PLCL1: variants seen among roughly 807,000 people sequenced by gnomAD.
The protein encoded by PLCL1 is inactive phospholipase C-like protein 1.
Under a neutral mutation model 84.4 loss-of-function variants are expected in PLCL1, and 41 were observed. The ratio of observed to expected loss-of-function variants is 0.49; its 90% CI spans 0.38 to 0.63. The LOEUF is 0.63. PLCL1 is among the 30% of genes least tolerant of loss of function. The pLI is 0.00. For synonymous variants in PLCL1, 490 were observed against 488.3 expected, an observed-to-expected ratio of 1.00 and a Z score of -0.05; for missense variants, 1,206 against 1,367.8, an observed-to-expected ratio of 0.88 and a Z score of 1.87.
chr2:198,055,289 C>G (rs1692035385), intron 1 of PLCL1, among the ~76,000 whole-genome samples: 1 of 144,304 alleles, frequency 6.9e-6, no homozygotes, highest in Admixed American at 6.9e-5. Flanking sequence ...GACTGCTGGT[C>G]AAAGCCTCTC....
chr2:197,912,003 G>A (rs950090247), intron 1 of PLCL1, among the ~76,000 whole-genome samples: 5 of 152,148 alleles, frequency 3.3e-5, no homozygotes, highest in Non-Finnish European at 7.3e-5. Flanking sequence ...TCTAATGCCA[G>A]TCCCTTTAGA....
chr2:197,885,391 C>T (rs763691229), intron 1 of PLCL1, among the ~76,000 whole-genome samples: 34 of 152,126 alleles, frequency 2.2e-4, no homozygotes, highest in Non-Finnish European at 4.0e-4. Flanking sequence ...AATGAGATTT[C>T]CCAGCTCAAG....
chr2:198,076,790 C>T (rs936570210), intron 1 of PLCL1, among the ~76,000 whole-genome samples: 3 of 152,184 alleles, frequency 2.0e-5, no homozygotes, highest in African/African-American at 7.2e-5. Flanking sequence ...TGGTATAATT[C>T]TATAGTTGCA....
At chr2:198,086,590 C>T (rs1692887264) in intron 2 of PLCL1, among the ~76,000 whole-genome samples, 1 of 152,102 alleles carries the variant, frequency 6.6e-6, no homozygotes, top group Non-Finnish European at 1.5e-5. Flanking sequence ...CAGTGCACTC[C>T]AGTCTGGGCA....
intron 1 of PLCL1, among the ~76,000 whole-genome samples, chr2:197,828,034 T>C (rs1690970233): frequency 6.6e-6 from 1 of 152,170 alleles, no homozygotes; most frequent in Non-Finnish European, 1.5e-5. Flanking sequence ...ATACTGTTGA[T>C]AACTTGAGAT....
chr2:197,965,693 C>T (rs1689715483), intron 1 of PLCL1, among the ~76,000 whole-genome samples: 1 of 152,024 alleles, frequency 6.6e-6, no homozygotes, highest in South Asian at 2.1e-4. Context: ...CTATACATTT[C>T]CCTTTTAGCA....
intron 5 of PLCL1, among the ~76,000 whole-genome samples, chr2:198,131,414 A>C (rs1694115618): frequency 6.6e-6 from 1 of 152,192 alleles, no homozygotes; most frequent in Non-Finnish European, 1.5e-5. Context: ...TTCACGAGAC[A>C]GTCTCTATTA....
intron 1 of PLCL1, among the ~76,000 whole-genome samples, chr2:197,904,871 A>C (rs923687010): frequency 1.3e-5 from 2 of 152,222 alleles, no homozygotes; most frequent in Admixed American, 6.5e-5. Context: ...GTCAATTATC[A>C]AAAGTATTAT....
chr2:198,028,897 G>T (rs1223971746), intron 1 of PLCL1, among the ~76,000 whole-genome samples: 1 of 152,022 alleles, frequency 6.6e-6, no homozygotes, highest in Non-Finnish European at 1.5e-5. Context: ...AGATACATAT[G>T]AAGTCTATTT....
chr2:197,865,139 G>A (rs1340864696), intron 1 of PLCL1, among the ~76,000 whole-genome samples: 1 of 152,162 alleles, frequency 6.6e-6, no homozygotes, highest in Non-Finnish European at 1.5e-5. Flanking sequence ...GTGACCTACT[G>A]AGGGACAGAG....
intron 1 of PLCL1, among the ~76,000 whole-genome samples, chr2:198,082,656 C>A (rs989307411): frequency 6.6e-6 from 1 of 151,992 alleles, no homozygotes; most frequent in African/African-American, 2.4e-5. Flanking sequence ...TAAAGAAATA[C>A]CCAGTGTAAG....
rs1216703587 is a variant in PLCL1 at position 198,069,059 on chromosome 2, TA to T, written c.241-14692del. Among the ~76,000 whole-genome samples the T allele has an allele frequency of 2.7e-5, 4 of 149,724 alleles. No homozygotes were observed. In the East Asian group the frequency reaches 7.8e-4, roughly 29 times the overall value. On this transcript the variant is annotated intron_variant, in intron 1 of 5. Coordinates refer to ENST00000428675, the MANE Select transcript of PLCL1 (RefSeq NM_006226.4). ...CAAATAAAATAAAATAAAATAAAAATAAAAAAATAAAAAAAATTGCCTAGAT... is the reference window on the plus strand; with the variant it reads ...CAAATAAAATAAAATAAAATAAAAATAAAAAATAAAAAAAATTGCCTAGAT...
chr2:197,912,799 TGG>T (rs1559043138), intron 1 of PLCL1, among the ~76,000 whole-genome samples: 1 of 5,118 alleles, frequency 2.0e-4, no homozygotes, highest in Non-Finnish European at 2.8e-4. Flanking sequence ...CGTGGTGGGG[TGG>T]GGGGTGGGGG....
At chr2:197,870,608 C>A (rs536754143) in intron 1 of PLCL1, among the ~76,000 whole-genome samples, 1 of 152,004 alleles carries the variant, frequency 6.6e-6, no homozygotes, top group Admixed American at 6.6e-5. Flanking sequence ...TATTTGTTAG[C>A]GGGAAGGGAA....
At chr2:197,884,906 T>G (rs1687890632) in intron 1 of PLCL1, among the ~76,000 whole-genome samples, 1 of 152,154 alleles carries the variant, frequency 6.6e-6, no homozygotes, top group African/African-American at 2.4e-5. Context: ...TGAGACTGTA[T>G]TGTTCCCTTG....
In PLCL1 at chr2:198,086,236, G is replaced by A; in HGVS notation, c.2715+4G>A. Reference sequence around the variant, plus strand: ...AGATATGAGAGAAAATATGCAGGTAGGAGAAACACTCACACTCTCCTTCCC... The same window carrying A: ...AGATATGAGAGAAAATATGCAGGTAAGAGAAACACTCACACTCTCCTTCCC... On this transcript the variant is annotated splice_donor_region_variant and intron_variant, in intron 2 of 5. Coordinates refer to ENST00000428675, the MANE Select transcript of PLCL1 (RefSeq NM_006226.4). 6.4e-7 allele frequency: 1 copy of A among 1,565,686 alleles called. No individual in the cohort carries two copies. The highest frequency in any genetic ancestry group is 8.7e-7 in the Non-Finnish European group (1 of 1,144,596).
chr2:197,877,521 C>A lies in PLCL1; in HGVS notation c.240+72182C>A, dbSNP rs1056096521. On this transcript the variant is annotated intron_variant, in intron 1 of 5. Coordinates refer to ENST00000428675, the MANE Select transcript of PLCL1 (RefSeq NM_006226.4). Reference sequence around the variant, plus strand: ...CGCATCATCTTAACATTTGTAATAACCTAATGATGGAAAGGAAAAAGCACT... The same window carrying A: ...CGCATCATCTTAACATTTGTAATAAACTAATGATGGAAAGGAAAAAGCACT... Among the ~76,000 whole-genome samples the A allele has an allele frequency of 3.9e-5, 6 of 151,992 alleles. No individual in the cohort carries two copies. The South Asian group carries it at 1.0e-3, about 26-fold the overall frequency.
intron 4 of PLCL1, among the ~76,000 whole-genome samples, 200 bp from the exon 5 acceptor site, chr2:198,103,627 G>T (rs1343266636): frequency 6.6e-6 from 1 of 151,798 alleles, no homozygotes; most frequent in Non-Finnish European, 1.5e-5. Context: ...TTAGCCTAAT[G>T]CATTGACTGT....
chr2:197,945,313 T>C (rs939272367), intron 1 of PLCL1, among the ~76,000 whole-genome samples: 4 of 152,176 alleles, frequency 2.6e-5, no homozygotes, highest in Non-Finnish European at 5.9e-5. Flanking sequence ...TGGACCCTCA[T>C]AGGTTCTTTA....
Sources: gnomAD v4.1 joint callset for allele counts (sites outside exome capture counted in the v4.1 genomes callset) on GRCh38, gnomAD v4.1.1 for gene constraint, MANE v1.5 for transcripts, NCBI Gene and HGNC (gene_info 2026-07-23, HGNC 2026-07-21) for gene names.